Variants in THSD7B observed in about 807,000 individuals in gnomAD.
The protein encoded by THSD7B is thrombospondin type 1 domain containing 7B.
A neutral mutation model predicts 213.6 loss-of-function variants in THSD7B; 138 were observed. The observed-to-expected ratio is 0.65, with a 90% CI of 0.56 to 0.74. The LOEUF (loss-of-function observed/expected upper bound fraction) is 0.74. THSD7B is among the 30% of genes least tolerant of loss of function. THSD7B has a pLI of 0.00. For synonymous variants in THSD7B, 742 were observed against 687.0 expected, an observed-to-expected ratio of 1.08 and a Z score of -1.25; for missense variants, 1,931 against 1,991.5, an observed-to-expected ratio of 0.97 and a Z score of 0.58.
intron 2 of THSD7B, among the ~76,000 whole-genome samples, chr2:136,904,385 G>T (rs1573701376): frequency 6.6e-6 from 1 of 152,204 alleles, no homozygotes; most frequent in East Asian, 1.9e-4. Context: ...AGGGTAATGT[G>T]CAGTGACAGG....
At chr2:137,024,524 A>C (rs545189679) in intron 2 of THSD7B, among the ~76,000 whole-genome samples, 1 of 152,268 alleles carries the variant, frequency 6.6e-6, no homozygotes, top group African/African-American at 2.4e-5. Flanking sequence ...ATTGATTTCA[A>C]ATTGAAGAGG....
chr2:137,244,869 A>G (rs1439113474), intron 10 of THSD7B, among the ~76,000 whole-genome samples: 1 of 152,166 alleles, frequency 6.6e-6, no homozygotes, highest in East Asian at 1.9e-4. Context: ...TAAGAGGGGG[A>G]AAAATTTGGA....
chr2:136,849,498 C>A (rs1484483085), intron 1 of THSD7B, among the ~76,000 whole-genome samples: 1 of 152,096 alleles, frequency 6.6e-6, no homozygotes, highest in Admixed American at 6.6e-5. Flanking sequence ...CTAACTATGG[C>A]CAGACTTACT....
At chr2:137,615,028 G>A (rs17692684) in intron 17 of THSD7B, among the ~76,000 whole-genome samples, 18,515 of 152,114 alleles carry the variant, frequency 0.12, 1,269 homozygotes, top group South Asian at 0.22. Context: ...TATGGGCCTC[G>A]TTAGATTGAG....
intron 12 of THSD7B, among the ~76,000 whole-genome samples, chr2:137,313,116 C>A (rs925601691): frequency 1.3e-5 from 2 of 152,030 alleles, no homozygotes; most frequent in African/African-American, 4.8e-5. Context: ...GTGTTAAAGT[C>A]TCCCATTATT....
chr2:136,802,018 G>A (rs1414667351), intron 1 of THSD7B, among the ~76,000 whole-genome samples: 2 of 152,090 alleles, frequency 1.3e-5, no homozygotes, highest in African/African-American at 4.8e-5. Flanking sequence ...AAATGCATGT[G>A]TGGTTTCCGA....
intron 4 of THSD7B, among the ~76,000 whole-genome samples, chr2:137,113,085 G>A (rs117400847): frequency 0.019 from 2,903 of 152,258 alleles, 78 homozygotes; most frequent in Admixed American, 0.051. Flanking sequence ...GTCAGTGGCT[G>A]TATCTGACCC....
At chr2:137,215,340 T>A (rs1305394610) in intron 7 of THSD7B, among the ~76,000 whole-genome samples, 1 of 152,098 alleles carries the variant, frequency 6.6e-6, no homozygotes, top group East Asian at 1.9e-4. Context: ...AGGGCTAATA[T>A]CCAGGATACA....
chr2:136,944,541 A>G (rs1409045031), intron 2 of THSD7B, among the ~76,000 whole-genome samples: 1 of 152,022 alleles, frequency 6.6e-6, no homozygotes, highest in African/African-American at 2.4e-5. Flanking sequence ...GTCTCTAAGG[A>G]CTTGCTTTAT....
At chr2:137,675,399 A>C in intron 27 of THSD7B, among the ~76,000 whole-genome samples, 1 of 127,464 alleles carries the variant, frequency 7.8e-6, no homozygotes, top group East Asian at 2.3e-4. Flanking sequence ...TGCTAAATGA[A>C]TGCCATATAT....
intron 12 of THSD7B, among the ~76,000 whole-genome samples, chr2:137,354,922 G>A (rs1399247695): frequency 1.3e-5 from 2 of 151,790 alleles, no homozygotes; most frequent in Admixed American, 1.3e-4. Context: ...GAAGCTTCAA[G>A]CAGATGTTAT....
At chr2:137,164,812 T>C (rs1680089328) in intron 6 of THSD7B, among the ~76,000 whole-genome samples, 1 of 151,940 alleles carries the variant, frequency 6.6e-6, no homozygotes, top group Admixed American at 6.6e-5. Context: ...TTCTCACTCA[T>C]AGGTGGGAAT....
At chr2:136,839,085 A>G (rs1189509642) in intron 1 of THSD7B, among the ~76,000 whole-genome samples, 1 of 152,202 alleles carries the variant, frequency 6.6e-6, no homozygotes, top group African/African-American at 2.4e-5. Flanking sequence ...CCCTTGAGAC[A>G]CTGTCATGTT....
intron 12 of THSD7B, among the ~76,000 whole-genome samples, chr2:137,280,821 AAGAG>A (rs1349307521): frequency 1.3e-5 from 2 of 152,278 alleles, no homozygotes; most frequent in Non-Finnish European, 2.9e-5. Context: ...GTACTAAAAA[AAGAG>A]AGAAAGAAAA....
At chr2:137,174,497 T>A (rs1352934062) in intron 7 of THSD7B, among the ~76,000 whole-genome samples, 1 of 152,212 alleles carries the variant, frequency 6.6e-6, no homozygotes, top group African/African-American at 2.4e-5. Context: ...AGTTTAAGAA[T>A]GTGGTCTACT....
chr2:136,909,843 A>G (rs1023261376), intron 2 of THSD7B, among the ~76,000 whole-genome samples: 1 of 152,090 alleles, frequency 6.6e-6, no homozygotes, highest in Non-Finnish European at 1.5e-5. Flanking sequence ...GTTTTGTTCT[A>G]GTTTTGCTAT....
intron 12 of THSD7B, among the ~76,000 whole-genome samples, chr2:137,400,117 T>C (rs1169756332): frequency 6.6e-6 from 1 of 152,204 alleles, no homozygotes; most frequent in Non-Finnish European, 1.5e-5. Context: ...AATTTTTTTG[T>C]CTTAGTTTTT....
chr2:137,627,692 G>A (rs189375818), intron 20 of THSD7B, among the ~76,000 whole-genome samples: 2 of 152,144 alleles, frequency 1.3e-5, no homozygotes, highest in South Asian at 2.1e-4. Context: ...CTGTAGCCAG[G>A]GTACATATTA....
chr2:137,122,102 C>G (rs1413667477), intron 5 of THSD7B, among the ~76,000 whole-genome samples: 4 of 152,048 alleles, frequency 2.6e-5, no homozygotes, highest in African/African-American at 9.7e-5. Flanking sequence ...GGGGATTTGC[C>G]CAGTAGTTTT....
Sources: allele counts gnomAD v4.1 joint callset (sites outside exome capture counted in the v4.1 genomes callset), GRCh38; gene constraint gnomAD v4.1.1; transcripts MANE v1.5; gene names NCBI Gene and HGNC (gene_info 2026-07-23, HGNC 2026-07-21).